Variants in MCM4 observed in about 807,000 individuals in gnomAD.
The protein encoded by MCM4 is DNA replication licensing factor MCM4.
In MCM4, 60 loss-of-function variants were observed where a neutral mutation model predicts 88.7. The ratio of observed to expected loss-of-function variants is 0.68; its 90% CI spans 0.55 to 0.84. MCM4 has a LOEUF of 0.84. MCM4 is among the 40% of genes least tolerant of loss of function. MCM4 has a pLI of 0.00. For synonymous variants in MCM4, 465 were observed against 410.5 expected (o/e 1.13, Z -1.61); for missense variants, 1,149 against 1,105.5 (o/e 1.04, Z -0.56).
intron 4 of MCM4, 42 bp from the exon 5 acceptor site, chr8:47,962,263 G>T (rs771882687): frequency 1.9e-6 from 3 of 1,613,950 alleles, no homozygotes. Context: ...GTATCATGTG[G>T]GTAACTCTGT....
Position 47,976,518 on chromosome 8 carries a change from A to G in MCM4, c.2500-168A>G, listed in dbSNP as rs972626384. On this transcript the variant is annotated intron_variant, in intron 16 of 16. Coordinates refer to ENST00000649973, the MANE Select transcript of MCM4 (RefSeq NM_182746.3). Reference sequence around the variant, plus strand: ...ACTATACAGATGCCAAGTCTACCACATGGACCATCTGGCTACTCCACTCCT... The same window carrying G: ...ACTATACAGATGCCAAGTCTACCACGTGGACCATCTGGCTACTCCACTCCT... Among the ~76,000 whole-genome samples the G allele has an allele frequency of 5.9e-5, 9 of 152,200 alleles. No individual in the cohort carries two copies. The East Asian group carries it at 1.3e-3, about 23-fold the overall frequency.
At chr8:47,975,538 C>T (rs924537813) in intron 15 of MCM4, 177 bp from the exon 16 acceptor site, 8 of 453,946 alleles carry the variant, frequency 1.8e-5, no homozygotes, top group African/African-American at 1.2e-4. Flanking sequence ...TTAAGGAAAG[C>T]AGCAGCTAGT....
Position 47,966,325 on chromosome 8 carries a change from A to G in MCM4, c.971A>G (p.Glu324Gly). The G allele has an allele frequency of 6.2e-7, 1 of 1,614,018 alleles. No homozygotes were observed. Among genetic ancestry groups the G allele is most frequent in the Non-Finnish European group, 8.5e-7 (1 of 1,180,040 alleles). Residue 324 changes from glutamate (E) to glycine (G), a missense_variant, in exon 9 of 17, where the codon GAG becomes GGG. Glu to Gly is a moderately conservative substitution (Grantham distance 98). Transcript: ENST00000649973. ...GAGATGGACCGCGGCCGCATTGCAG[A>G]GCCCAGTGTGTGCGGGCGCTGCCAC... ...RVEMDRGRIA[E>G]PSVCGRCHTT...
In MCM4 at chr8:47,972,929, C is replaced by T. The variant is rs1431555426; in HGVS notation, c.2001C>T (p.Val667=). The part of the protein sequence containing the change: ...AYDRRLAHHL[V]ALYYQSEEQA... ...ACAGGCGTCTGGCTCACCACCTGGT[C>T]GCACTGTACTACCAGAGCGAGGAGC... Residue 667 remains valine (V), a synonymous_variant, in exon 14 of 17, where the codon GTC becomes GTT. Coordinates refer to ENST00000649973, the MANE Select transcript of MCM4 (RefSeq NM_182746.3). 5 of 1,614,070 alleles carry T rather than the reference C, an allele frequency of 3.1e-6. No individual in the cohort carries two copies. The African/African-American group carries it at 4.0e-5, about 13-fold the overall frequency.
At chr8:47,974,537 C>T (rs1399907916) in intron 14 of MCM4, 197 bp from the exon 15 acceptor site, 8 of 577,366 alleles carry the variant, frequency 1.4e-5, no homozygotes, top group South Asian at 2.0e-5. Context: ...CACCACTGCA[C>T]GCTGCACGTT....
chr8:47,977,443 T>C lies in MCM4; in HGVS notation c.*665T>C, dbSNP rs900562464. On this transcript the variant is annotated 3_prime_UTR_variant, in exon 17 of 17. Coordinates refer to ENST00000649973, the MANE Select transcript of MCM4 (RefSeq NM_182746.3). ...ATCATCAGTATGCTTATGGATTTGA[T>C]GACAGGCATAGCCTGGGCATATCAC... The C allele has an allele frequency of 3.9e-5, 6 of 152,290 alleles. No individual in the cohort carries two copies. The highest frequency in any genetic ancestry group is 1.4e-4 in the African/African-American group (6 of 41,456). The allele number at this position is 152,290 out of a possible 1,614,324, so 9.4% of individuals were successfully genotyped here.
Position 47,962,250 on chromosome 8 carries a change from C to T in MCM4, c.399+34C>T, listed in dbSNP as rs181830762. The stretch of plus-strand genomic sequence containing the variant: ...GCAGTCTCCTGAAACCATCTTATGG[C>T]GGGTATCATGTGGGTAACTCTGTTT... On this transcript the variant is annotated intron_variant, in intron 4 of 16. Transcript: ENST00000649973. 1.3e-3 allele frequency: 2,129 copies of T among 1,613,842 alleles called. 5 individuals are homozygous for T. Among genetic ancestry groups the T allele is most frequent in the Non-Finnish European group, 1.6e-3 (1,890 of 1,179,848 alleles).
At chr8:47,971,271 G>A (rs1459928901) in intron 12 of MCM4, 70 bp from the exon 13 acceptor site, 27 of 1,584,834 alleles carry the variant, frequency 1.7e-5, no homozygotes, top group Admixed American at 3.4e-5. Context: ...GTAGGTGGCC[G>A]GGCGAAGACG....
chr8:47,975,725 C>T lies in MCM4; in HGVS notation c.2376C>T (p.Ala792=). 2.6e-6 allele frequency: 4 copies of T among 1,563,818 alleles called. No homozygotes were observed. The highest frequency in any genetic ancestry group is 3.4e-6 in the Non-Finnish European group (4 of 1,162,814). Residue 792 remains alanine (A), a synonymous_variant, in exon 16 of 17, where the codon GCC becomes GCT. Coordinates refer to ENST00000649973, the MANE Select transcript of MCM4 (RefSeq NM_182746.3). Reference sequence around the variant, plus strand: ...TTCTTTTTAAATCAGGGATGAGTGCCACCTCTCGTAAACGGAAAGAAGAAT... The same window carrying T: ...TTCTTTTTAAATCAGGGATGAGTGCTACCTCTCGTAAACGGAAAGAAGAAT... ...DISILTTGMS[A]TSRKRKEELA...
At chr8:47,970,945 G>A (rs1432617569) in intron 12 of MCM4, 69 bp downstream of exon 12, 3 of 1,508,884 alleles carry the variant, frequency 2.0e-6, no homozygotes, top group Non-Finnish European at 8.9e-7. Context: ...GACAGGGTCT[G>A]TGGAACTGTG....
Position 47,966,209 on chromosome 8 carries a change from C to G in MCM4, c.855C>G (p.Ile285Met), listed in dbSNP as rs1329462969. The G allele has an allele frequency of 1.2e-6, 2 of 1,613,642 alleles. No individual in the cohort carries two copies. Among genetic ancestry groups the G allele is most frequent in the Non-Finnish European group, 1.7e-6 (2 of 1,179,740 alleles). ...CAGACATTGACCAGCTCATCACCAT[C>G]AGCGGCATGGTGATCAGGACATCCC... Reference protein sequence around the residue: ...NPEDIDQLITISGMVIRTSQL... With the variant: ...NPEDIDQLITMSGMVIRTSQL... Residue 285 changes from isoleucine to methionine, a missense_variant, in exon 9 of 17, where the codon ATC becomes ATG. By Grantham distance (10) the Ile-to-Met change is conservative (BLOSUM62 1). This residue lies in a region of MCM4 where 906 missense variants were observed against 843.0 expected (regional missense o/e 1.07). Coordinates refer to ENST00000649973, the MANE Select transcript of MCM4 (RefSeq NM_182746.3).
chr8:47,961,394 T>C (rs758075466), intron 2 of MCM4, 122 bp from the exon 3 acceptor site: 12 of 1,566,770 alleles, frequency 7.7e-6, no homozygotes, highest in Non-Finnish European at 1.0e-5. Context: ...CTTAATTCGA[T>C]TGCCATTTGC....
At chr8:47,967,301 A>G in intron 9 of MCM4, 64 bp from the exon 10 acceptor site, 2 of 1,598,540 alleles carry the variant, frequency 1.3e-6, no homozygotes, top group Non-Finnish European at 8.5e-7. Flanking sequence ...GTACAAAGAC[A>G]TGCAGATTTT....
intron 13 of MCM4, among the ~76,000 whole-genome samples, 162 bp downstream of exon 13, chr8:47,971,630 T>C (rs2090954442): frequency 6.6e-6 from 1 of 152,112 alleles, no homozygotes. Context: ...ATGATGTGTG[T>C]TCTCATTTGT....
chr8:47,961,391 C>A (rs963324375), intron 2 of MCM4, 125 bp from the exon 3 acceptor site: 2 of 1,558,980 alleles, frequency 1.3e-6, no homozygotes, highest in Non-Finnish European at 1.7e-6. Flanking sequence ...CTGCTTAATT[C>A]GATTGCCATT....
chr8:47,971,675 G>A (rs1442988307), intron 13 of MCM4, among the ~76,000 whole-genome samples: 1 of 152,060 alleles, frequency 6.6e-6, no homozygotes, highest in African/African-American at 2.4e-5. Context: ...CTCCCACGCC[G>A]TTTACACATG....
At chr8:47,964,516 TTATTA>T (rs2090879796) in intron 7 of MCM4, 53 bp from the exon 8 acceptor site, 1 of 1,370,196 alleles carries the variant, frequency 7.3e-7, no homozygotes, top group African/African-American at 1.5e-5. Context: ...TGACATGCCT[TTATTA>T]TATTTAACAC....
rs187791329 is a variant in MCM4, at chr8:47,974,633, C to G, written c.2137-101C>G. 6 of 872,918 alleles carry G rather than the reference C, an allele frequency of 6.9e-6. No homozygotes were observed. In the East Asian group the frequency reaches 9.6e-5, roughly 14 times the overall value. The allele number at this position is 872,918 out of a possible 1,614,324, so 54.1% of individuals were successfully genotyped here. On this transcript the variant is annotated intron_variant, in intron 14 of 16. Transcript: ENST00000649973. ...CGGGGCCCAGGACCATATCTGAGTT[C>G]CGTTTACTTAATGGAAGCCTAAGTG... is the stretch of plus-strand genomic sequence containing the variant.
At position 47,969,775 on chromosome 8, in the gene MCM4, G is replaced by A. The variant is rs762621781; in HGVS notation, c.1175-23G>A. ...GAGGAAGATATGGGAAGGTAAAAGTGCATCTCCTGGTTGTGCCCTCAGGCA... is the reference window on the plus strand; with the variant it reads ...GAGGAAGATATGGGAAGGTAAAAGTACATCTCCTGGTTGTGCCCTCAGGCA... On this transcript the variant is annotated intron_variant, in intron 10 of 16. Coordinates refer to ENST00000649973, the MANE Select transcript of MCM4 (RefSeq NM_182746.3). 3.1e-6 allele frequency: 5 copies of A among 1,612,306 alleles called. No individual in the cohort carries two copies. In the South Asian group the frequency reaches 4.4e-5, roughly 14 times the overall value.
Sources: allele counts gnomAD v4.1 joint callset (sites outside exome capture counted in the v4.1 genomes callset), GRCh38; gene constraint gnomAD v4.1.1; regional missense constraint gnomAD v4.1.1; transcripts MANE v1.5; gene names NCBI Gene and HGNC (gene_info 2026-07-23, HGNC 2026-07-21).